Variants in LRP1B observed in about 807,000 individuals in gnomAD.
LRP1B encodes LDL receptor related protein 1B, also known as low-density lipoprotein receptor-related protein 1B.
LRP1B carries 217 observed loss-of-function variants against 556.6 expected under a neutral mutation model. The ratio of observed to expected loss-of-function variants is 0.39; its 90% CI spans 0.35 to 0.44. The LOEUF (loss-of-function observed/expected upper bound fraction) is 0.44, where lower values mean the gene tolerates loss of function less well. LRP1B is among the 20% of genes least tolerant of loss of function. LRP1B has a pLI of 1.00. For missense variants in LRP1B, 5,053 were observed against 5,620.8 expected (o/e 0.90, Z 3.23); for synonymous variants, 2,047 against 1,865.8 (o/e 1.10, Z -2.50).
At chr2:140,353,371 T>A (rs1682061992) in intron 75 of LRP1B, among the ~76,000 whole-genome samples, 1 of 151,938 alleles carries the variant, frequency 6.6e-6, no homozygotes. Flanking sequence ...TACTTATTTA[T>A]TTTTTTACCT....
At chr2:140,701,661 A>G (rs1056002678) in intron 40 of LRP1B, 60 bp downstream of exon 40, 9 of 1,509,682 alleles carry the variant, frequency 6.0e-6, no homozygotes, top group Non-Finnish European at 8.1e-6. Flanking sequence ...CAATGTTTTT[A>G]AAAATTGGAG....
chr2:140,373,692 A>C (rs181645003), intron 68 of LRP1B, among the ~76,000 whole-genome samples: 1 of 152,280 alleles, frequency 6.6e-6, no homozygotes, highest in Non-Finnish European at 1.5e-5. Flanking sequence ...GGACTGCTTG[A>C]GTCCAGGACT....
At chr2:141,221,150 A>G (rs1683019520) in intron 6 of LRP1B, among the ~76,000 whole-genome samples, 1 of 152,174 alleles carries the variant, frequency 6.6e-6, no homozygotes, top group South Asian at 2.1e-4. Context: ...GCTGTATTCA[A>G]GAGACCCATC....
chr2:140,378,897 A>G (rs1371617764), intron 67 of LRP1B, among the ~76,000 whole-genome samples: 1 of 152,174 alleles, frequency 6.6e-6, no homozygotes, highest in Non-Finnish European at 1.5e-5. Flanking sequence ...ATTGTGCCCT[A>G]TATCACTTGC....
chr2:141,045,187 G>T lies in LRP1B; in HGVS notation c.1789+3799C>A, dbSNP rs75323124. ...TCGCAAGAACAAAAAACCAAACACC[G>T]CATATTCTCACTCATAGGTGGGAAT... is the stretch of plus-strand genomic sequence containing the variant. On this transcript the variant is annotated intron_variant, in intron 11 of 90. Coordinates refer to ENST00000389484, the MANE Select transcript of LRP1B (RefSeq NM_018557.3). Among the ~76,000 whole-genome samples, 4 of 109,874 alleles carry T rather than the reference G, an allele frequency of 3.6e-5. No individual in the cohort carries two copies. In the East Asian group the frequency reaches 9.7e-4, roughly 27 times the overall value. 72.1% of individuals were successfully genotyped at this position (109,874 alleles called of 152,430 possible).
In LRP1B at chr2:140,495,644, T is replaced by A. The variant is rs748965298; in HGVS notation, c.8955A>T (p.Thr2985=). The change falls in exon 56 of 91, where the codon ACA becomes ACT. Residue 2985 remains threonine (T), a synonymous_variant. Coordinates refer to ENST00000389484, the MANE Select transcript of LRP1B (RefSeq NM_018557.3). ...TACAGAGGCACTTGTAAGTCCCGTA[T>A]GTATTGATGCATTGCTGGCTACAGG... ...GFPCSQQCIN[T]YGTYKCLCTD... is the part of the protein sequence containing the mutation. 2 of 1,614,028 alleles carry A rather than the reference T, an allele frequency of 1.2e-6. No homozygotes were observed. The highest frequency in any genetic ancestry group is 2.2e-5 in the South Asian group (2 of 91,088).
intron 66 of LRP1B, among the ~76,000 whole-genome samples, chr2:140,422,141 G>T (rs1197294506): frequency 1.3e-5 from 2 of 152,042 alleles, no homozygotes; most frequent in Non-Finnish European, 2.9e-5. Flanking sequence ...CTAGGTACTG[G>T]GTACATATTA....
intron 2 of LRP1B, among the ~76,000 whole-genome samples, chr2:141,739,955 G>T (rs1693634670): frequency 6.6e-6 from 1 of 151,882 alleles, no homozygotes; most frequent in Non-Finnish European, 1.5e-5. Flanking sequence ...GAAGTTACAT[G>T]ATGAGATAAC....
chr2:141,973,064 T>C (rs1431301665), intron 1 of LRP1B, among the ~76,000 whole-genome samples: 1 of 151,646 alleles, frequency 6.6e-6, no homozygotes, highest in East Asian at 1.9e-4. Flanking sequence ...TATTATTATG[T>C]AGTGTTTTAT....
chr2:140,696,314 G>T (rs1343237293), intron 41 of LRP1B, among the ~76,000 whole-genome samples: 1 of 152,106 alleles, frequency 6.6e-6, no homozygotes, highest in Non-Finnish European at 1.5e-5. Context: ...AAAGCTTTCA[G>T]AGAGGATTGC....
chr2:140,289,748 ATAAT>A (rs956404192), intron 84 of LRP1B, among the ~76,000 whole-genome samples: 5 of 151,962 alleles, frequency 3.3e-5, no homozygotes, highest in Admixed American at 2.0e-4. Flanking sequence ...AATAACTAAA[ATAAT>A]TAATTATTTT....
At chr2:140,761,363 G>A (rs1688915502) in intron 35 of LRP1B, among the ~76,000 whole-genome samples, 1 of 152,148 alleles carries the variant, frequency 6.6e-6, no homozygotes, top group South Asian at 2.1e-4. Context: ...AGCCCCTAAT[G>A]TGGCCCCCTC....
chr2:140,545,999 GTTGT>G (rs1043164097), intron 43 of LRP1B, among the ~76,000 whole-genome samples: 19 of 84,086 alleles, frequency 2.3e-4, no homozygotes, highest in Admixed American at 4.5e-4. Context: ...GTATTATTAG[GTTGT>G]GTGTGTGTGT....
At chr2:141,841,796 A>G (rs1697482259) in intron 1 of LRP1B, among the ~76,000 whole-genome samples, 1 of 152,190 alleles carries the variant, frequency 6.6e-6, no homozygotes, top group Non-Finnish European at 1.5e-5. Context: ...TGGTAGCAAG[A>G]GGGTTACCTG....
rs2104951033 is a variant in LRP1B, at chr2:140,776,215, G to A, written c.5383C>T (p.Gln1795Ter). 6.2e-7 allele frequency: 1 copy of A among 1,601,114 alleles called. No individual in the cohort carries two copies. The highest frequency in any genetic ancestry group is 8.5e-7 in the Non-Finnish European group (1 of 1,174,068). Residue 1795 changes from glutamine (Q) to a stop codon, truncating the protein, a stop_gained, in exon 33 of 91, where the codon CAA becomes TAA. Transcript: ENST00000389484. LOFTEE classifies it high-confidence loss of function. ...IMDKKLWWAD[Q>*]NLAQLGTCSK... ...CAGGTTCCTAGCTGGGCTAAGTTTT[G>A]GTCTGCCCACCACAGTTTCTTATCT...
chr2:142,083,185 A>C (rs1024036522), intron 1 of LRP1B, among the ~76,000 whole-genome samples: 1 of 152,166 alleles, frequency 6.6e-6, no homozygotes, highest in Non-Finnish European at 1.5e-5. Flanking sequence ...TGGGGGCACA[A>C]ATGACCAAGG....
intron 23 of LRP1B, among the ~76,000 whole-genome samples, chr2:140,901,435 T>C (rs1386162961): frequency 2.0e-5 from 3 of 152,212 alleles, no homozygotes; most frequent in African/African-American, 7.2e-5. Flanking sequence ...TTACCCCCTG[T>C]GCCAATGGCC....
intron 3 of LRP1B, among the ~76,000 whole-genome samples, chr2:141,306,460 T>A (rs952847749): frequency 1.1e-4 from 16 of 152,146 alleles, no homozygotes; most frequent in Non-Finnish European, 4.4e-5. Flanking sequence ...TGTATTTCTG[T>A]GATATCAGTT....
chr2:141,551,273 T>A (rs1292575299), intron 2 of LRP1B, among the ~76,000 whole-genome samples: 1 of 151,970 alleles, frequency 6.6e-6, no homozygotes, highest in Non-Finnish European at 1.5e-5. Context: ...AATAGAACTT[T>A]TTAGTTTGTT....
Sources: allele counts gnomAD v4.1 joint callset (sites outside exome capture counted in the v4.1 genomes callset), GRCh38; gene constraint gnomAD v4.1.1; transcripts MANE v1.5; gene names NCBI Gene and HGNC (gene_info 2026-07-23, HGNC 2026-07-21).